GFY: variants seen among roughly 807,000 people sequenced by gnomAD.
GFY encodes the protein golgi associated olfactory signaling regulator, also known as Golgi-associated olfactory signaling regulator.
In GFY, 28 loss-of-function variants were observed where a neutral mutation model predicts 29.1. That is an observed-to-expected ratio of 0.96 (90% CI 0.71 to 1.32). The LOEUF (loss-of-function observed/expected upper bound fraction) is 1.32. Among genes scored for constraint, GFY ranks in the 40% most tolerant of loss-of-function variants. The pLI is 0.00. For missense variants in GFY, 656 were observed against 661.9 expected (o/e 0.99, Z 0.10); for synonymous variants, 277 against 274.5 (o/e 1.01, Z -0.09).
chr19:49,427,265 C>G lies in GFY; in HGVS notation c.835C>G (p.Gln279Glu), dbSNP rs1310792464. The change falls in exon 2 of 4, where the codon CAA (glutamine) becomes GAA (glutamate). Residue 279 changes from glutamine (Q) to glutamate (E), a missense_variant. Transcript: ENST00000610896. ...AGATGTACCCAGGACCTCCGACCCT[C>G]AAATCTCCACTAGTCTCTACCCAGA... Reference protein sequence around the residue: ...ATDVPRTSDPQISTSLYPETP... With the variant: ...ATDVPRTSDPEISTSLYPETP... 6 of 1,536,104 alleles carry G rather than the reference C, an allele frequency of 3.9e-6. No homozygotes were observed. The highest frequency in any genetic ancestry group is 1.7e-4 in the Middle Eastern group (1 of 6,012).
Position 49,427,613 on chromosome 19 carries a change from G to A in GFY, c.1183G>A (p.Gly395Ser), listed in dbSNP as rs753091153. The A allele has an allele frequency of 6.2e-6, 9 of 1,459,476 alleles. No individual in the cohort carries two copies. Among genetic ancestry groups the A allele is most frequent in the South Asian group, 5.7e-5 (4 of 69,978 alleles). The allele number at this position is 1,459,476 out of a possible 1,614,324, so 90.4% of individuals were successfully genotyped here. A position where few individuals can be genotyped will look rare whatever the true frequency, so the allele number is the denominator to read the frequency against. The stretch of plus-strand genomic sequence containing the variant: ...CGTGGTGGAGCGAGTGAAGGAGACC[G>A]GTGAGGGGCAGGAGCCGGACTCCTG... Reference protein sequence around the residue: ...IIVVERVKETGVTLVGRPRGA... With the variant: ...IIVVERVKETSVTLVGRPRGA... The change falls in exon 2 of 4, where the codon GGC becomes AGC. Residue 395 changes from glycine (G) to serine (S), a missense_variant and splice_region_variant. Physicochemically the swap from Gly to Ser is moderately conservative, Grantham distance 56. Coordinates refer to ENST00000610896, the MANE Select transcript of GFY (RefSeq NM_001195256.2).
At position 49,426,311 on chromosome 19, in the gene GFY, C is replaced by G. The variant is rs1006715288; in HGVS notation, c.-21-99C>G. On this transcript the variant is annotated intron_variant, in intron 1 of 3. Transcript: ENST00000610896. ...GGCGCCAAGCTGGGCCCCGGACAGA[C>G]GTGGTCCACCTGTGTTCCAGTGGGC... 5.1e-5 allele frequency: 73 copies of G among 1,435,802 alleles called. No homozygotes were observed. In the East Asian group the frequency reaches 1.7e-3, roughly 34 times the overall value. 88.9% of individuals were successfully genotyped at this position (1,435,802 alleles called of 1,614,324 possible).
In GFY at chr19:49,426,469, C is replaced by G. The variant is rs1036240343; in HGVS notation, c.39C>G (p.Leu13=). The change falls in exon 2 of 4, where the codon CTC becomes CTG. Residue 13 remains leucine (L), a synonymous_variant. Transcript: ENST00000610896. ...SFSRILFLVF[L]LAGLRSKAAP... ...GCCGGATCCTCTTCCTCGTCTTCCT[C>G]CTCGCCGGCCTGAGGTCCAAGGCCG... 1 of 1,535,924 alleles carries G rather than the reference C, an allele frequency of 6.5e-7. No homozygotes were observed.
rs980738495 is a variant in GFY, at chr19:49,426,977, G to C, written c.547G>C (p.Glu183Gln). The C allele has an allele frequency of 2.6e-6, 4 of 1,535,270 alleles. No homozygotes were observed. The Admixed American group carries it at 5.9e-5, about 23-fold the overall frequency. The part of the protein sequence containing the change: ...LMQTTPQESP[E>Q]ILQLNATEVS... ...GCAAACTACACCCCAAGAATCCCCA[G>C]AGATTCTGCAGCTTAATGCCACTGA... is the stretch of plus-strand genomic sequence containing the variant. Residue 183 changes from glutamate (E) to glutamine (Q), a missense_variant, in exon 2 of 4, where the codon GAG (glutamate) becomes CAG (glutamine). Physicochemically the swap from Glu to Gln is conservative, Grantham distance 29. Transcript: ENST00000610896.
chr19:49,427,464 T>C lies in GFY; in HGVS notation c.1034T>C (p.Val345Ala), dbSNP rs4802605. The change falls in exon 2 of 4, where the codon GTC becomes GCC. Residue 345 changes from valine (V) to alanine (A), a missense_variant. Physicochemically the swap from Val to Ala is moderately conservative, Grantham distance 64 (BLOSUM62 0). Transcript: ENST00000610896. Reference sequence around the variant, plus strand: ...AACTCTGGCCCTAAGGAGTCCAACGTCCCTCCTCCCTCAGCCCGGATTGCA... The same window carrying C: ...AACTCTGGCCCTAAGGAGTCCAACGCCCCTCCTCCCTCAGCCCGGATTGCA... ...PQNSGPKESN[V>A]PPPSARIAGP... is the part of the protein sequence containing the mutation. The C allele has an allele frequency of 0.75, 1,147,199 of 1,533,946 alleles. 433,059 individuals carry two copies. The highest frequency in any genetic ancestry group is 0.91 in the African/African-American group (66,464 of 73,140).
Position 49,428,006 on chromosome 19 carries a change from CG to C in GFY, c.1248del (p.Thr417ProfsTer4). The C allele has an allele frequency of 6.5e-7, 1 of 1,535,926 alleles. No individual in the cohort carries two copies. Among genetic ancestry groups the C allele is most frequent in the Non-Finnish European group, 8.7e-7 (1 of 1,146,708 alleles). ...GGCGGGGCCCTCTGCCTGTTCTTCG[CG>C]GGGACCGCGCTGCTGATCGGCATCT... ...AAGGALCLFF[A>X]GTALLIGIFV... On this transcript the variant is annotated frameshift_variant, in exon 3 of 4. Transcript: ENST00000610896. LOFTEE classifies it high-confidence loss of function.
At chr19:49,428,513 C>T in intron 3 of GFY, 106 bp from the exon 4 acceptor site, 1 of 841,504 alleles carries the variant, frequency 1.2e-6, no homozygotes, top group Non-Finnish European at 1.7e-6. Context: ...GGAATCCTCT[C>T]TCCGGCCTCC....
chr19:49,428,396 C>G (rs1285505646), intron 3 of GFY, among the ~76,000 whole-genome samples: 1 of 151,968 alleles, frequency 6.6e-6, no homozygotes, highest in Non-Finnish European at 1.5e-5. Context: ...CCCTGTACTT[C>G]CCGCCCTCCA....
rs188164729 is a variant in GFY at position 49,427,502 on chromosome 19, C to G, written c.1072C>G (p.Leu358Val). ...PSARIAGPPALPGRPSQLAPA... is the reference protein window; with the variant it reads ...PSARIAGPPAVPGRPSQLAPA... ...AGCCCGGATTGCAGGTCCCCCTGCT[C>G]TTCCAGGGCGCCCCAGTCAGTTGGC... The change falls in exon 2 of 4, where the codon CTT becomes GTT. Residue 358 changes from leucine to valine, a missense_variant. Leu to Val is a conservative substitution (Grantham distance 32, BLOSUM62 1). Coordinates refer to ENST00000610896, the MANE Select transcript of GFY (RefSeq NM_001195256.2). 252 of 1,533,152 alleles carry G rather than the reference C, an allele frequency of 1.6e-4. 2 individuals carry two copies. In the African/African-American group the frequency reaches 2.6e-3, roughly 16 times the overall value. The allele number at this position is 1,533,152 out of a possible 1,614,324, so 95.0% of individuals were successfully genotyped here.
chr19:49,428,052 T>G lies in GFY; in HGVS notation c.1290T>G (p.Leu430=). 1 of 1,535,670 alleles carries G rather than the reference T, an allele frequency of 6.5e-7. No homozygotes were observed. ...GCATCTTTGTGCTGCTGTGGTGTCT[T>G]TACCGCCGGGCAGCTAGACAGCGGC... The part of the protein sequence containing the change: ...LIGIFVLLWC[L]YRRAARQRPF... The change falls in exon 3 of 4, where the codon CTT becomes CTG. Residue 430 remains leucine, a synonymous_variant. Coordinates refer to ENST00000610896, the MANE Select transcript of GFY (RefSeq NM_001195256.2).
Position 49,428,117 on chromosome 19 carries a change from C to A in GFY, c.1355C>A (p.Pro452Gln), listed in dbSNP as rs749508675. The stretch of plus-strand genomic sequence containing the variant: ...CGGCTTCCGGACGACGGAGATGAAC[C>A]GGGTGAGCGCCCTGCCCCTTGAATG... ...HHRLPDDGDE[P>Q]VLHLDAPKDP... is the part of the protein sequence containing the mutation. The change falls in exon 3 of 4, where the codon CCG becomes CAG. Residue 452 changes from proline to glutamine, a missense_variant and splice_region_variant. By Grantham distance (76) the Pro-to-Gln change is moderately conservative. Coordinates refer to ENST00000610896, the MANE Select transcript of GFY (RefSeq NM_001195256.2). The A allele has an allele frequency of 2.6e-6, 4 of 1,530,698 alleles. No homozygotes were observed. The highest frequency in any genetic ancestry group is 2.0e-5 in the Admixed American group (1 of 50,910). The allele number at this position is 1,530,698 out of a possible 1,614,324, so 94.8% of individuals were successfully genotyped here.
chr19:49,426,313 T>C, intron 1 of GFY, 97 bp from the exon 2 acceptor site: 1 of 1,435,896 alleles, frequency 7.0e-7, no homozygotes, highest in South Asian at 1.5e-5. Flanking sequence ...CGGACAGACG[T>C]GGTCCACCTG....
Position 49,426,539 on chromosome 19 carries a change from G to A in GFY, c.109G>A (p.Ala37Thr). The A allele has an allele frequency of 2.0e-6, 3 of 1,536,040 alleles. No homozygotes were observed. Among genetic ancestry groups the A allele is most frequent in the South Asian group, 1.2e-5 (1 of 84,062 alleles). ...TTTGGGCTGTGGCTTTCCGGACATG[G>A]CCCACCCCTCTGAGACTTCCCCTCT... ...LPLGCGFPDM[A>T]HPSETSPLKG... Residue 37 changes from alanine (A) to threonine (T), a missense_variant, in exon 2 of 4, where the codon GCC becomes ACC. Coordinates refer to ENST00000610896, the MANE Select transcript of GFY (RefSeq NM_001195256.2).
Position 49,427,206 on chromosome 19 carries a change from C to G in GFY, c.776C>G (p.Thr259Arg). Residue 259 changes from threonine to arginine, a missense_variant, in exon 2 of 4, where the codon ACA becomes AGA. Physicochemically the swap from Thr to Arg is moderately conservative, Grantham distance 71. Coordinates refer to ENST00000610896, the MANE Select transcript of GFY (RefSeq NM_001195256.2). ...CCCAGCCCCACCGAAATTTCCCAAACAGAATTCCCCACAACCTACTACCAA... is the reference window on the plus strand; with the variant it reads ...CCCAGCCCCACCGAAATTTCCCAAAGAGAATTCCCCACAACCTACTACCAA... ...HNPSPTEISQ[T>R]EFPTTYYQNA... 1 of 1,536,012 alleles carries G rather than the reference C, an allele frequency of 6.5e-7. No individual in the cohort carries two copies. Among genetic ancestry groups the G allele is most frequent in the South Asian group, 1.2e-5 (1 of 84,042 alleles).
intron 3 of GFY, 100 bp from the exon 4 acceptor site, chr19:49,428,519 C>T (rs1367965101): frequency 2.3e-6 from 2 of 873,190 alleles, no homozygotes; most frequent in Non-Finnish European, 3.2e-6. Flanking sequence ...CTCTCTCCGG[C>T]CTCCTGATCG....
chr19:49,424,603 C>A (rs1045707036), upstream of GFY, among the ~76,000 whole-genome samples: 6 of 151,236 alleles, frequency 4.0e-5, no homozygotes, highest in African/African-American at 1.5e-4. Flanking sequence ...GTAATCCCAG[C>A]ACTTTGGAAG....
At chr19:49,424,874 C>T (rs1470519849), upstream of GFY, among the ~76,000 whole-genome samples, 38 of 151,722 alleles carry the variant, frequency 2.5e-4, no homozygotes, top group Non-Finnish European at 5.9e-5. Context: ...CCTTTATACA[C>T]AGTGAGGAGA....
At position 49,427,002 on chromosome 19, in the gene GFY, A is replaced by G; in HGVS notation, c.572A>G (p.Glu191Gly). ...SPEILQLNATEVSQAELPETS... is the reference protein window; with the variant it reads ...SPEILQLNATGVSQAELPETS... The stretch of plus-strand genomic sequence containing the variant: ...GAGATTCTGCAGCTTAATGCCACTG[A>G]AGTCTCACAGGCAGAACTCCCCGAG... The change falls in exon 2 of 4, where the codon GAA becomes GGA. Residue 191 changes from glutamate (E) to glycine (G), a missense_variant. By Grantham distance (98) the Glu-to-Gly change is moderately conservative (BLOSUM62 -2). Transcript: ENST00000610896. 1 of 1,535,676 alleles carries G rather than the reference A, an allele frequency of 6.5e-7. No homozygotes were observed. Among genetic ancestry groups the G allele is most frequent in the Non-Finnish European group, 8.7e-7 (1 of 1,146,802 alleles).
Position 49,426,680 on chromosome 19 carries a change from G to T in GFY, c.250G>T (p.Asp84Tyr). 1.3e-6 allele frequency: 2 copies of T among 1,535,740 alleles called. No homozygotes were observed. Among genetic ancestry groups the T allele is most frequent in the Non-Finnish European group, 1.7e-6 (2 of 1,146,782 alleles). Residue 84 changes from aspartate to tyrosine, a missense_variant, in exon 2 of 4, where the codon GAC becomes TAC. By Grantham distance (160) the Asp-to-Tyr change is radical. Transcript: ENST00000610896. ...HTVSLETFPL[D>Y]FTEPLNPDLR... ...GGTTTCCCTGGAAACCTTCCCACTT[G>T]ACTTCACTGAGCCCCTCAACCCTGA...
Sources: gnomAD v4.1 joint callset for allele counts (sites outside exome capture counted in the v4.1 genomes callset) on GRCh38, gnomAD v4.1.1 for gene constraint, MANE v1.5 for transcripts, NCBI Gene and HGNC (gene_info 2026-07-23, HGNC 2026-07-21) for gene names.